The following DNAJB6 variants were observed in gnomAD, a reference collection of about 807,000 sequenced individuals.
DNAJB6 encodes the protein dnaJ homolog subfamily B member 6.
DNAJB6 carries 16 observed loss-of-function variants against 42.7 expected under a neutral mutation model. The observed-to-expected ratio is 0.37, with a 90% CI of 0.25 to 0.57. DNAJB6 has a LOEUF of 0.57. DNAJB6 is among the 20% of genes least tolerant of loss of function. The probability of loss-of-function intolerance (pLI) is 0.74; values close to 1 mark genes in which losing one functional copy is unlikely to be tolerated. For synonymous variants in DNAJB6, 170 were observed against 163.5 expected, an observed-to-expected ratio of 1.04 and a Z score of -0.30; for missense variants, 347 against 416.8, an observed-to-expected ratio of 0.83 and a Z score of 1.46.
intron 1 of DNAJB6, among the ~76,000 whole-genome samples, chr7:157,340,338 G>C (rs113592734): frequency 2.7e-4 from 41 of 152,306 alleles, no homozygotes; most frequent in African/African-American, 9.1e-4. Flanking sequence ...TAGCGAGTAA[G>C]AGTAGGATCA....
intron 5 of DNAJB6, among the ~76,000 whole-genome samples, chr7:157,374,460 T>TAAA (rs1340454556): frequency 6.6e-6 from 1 of 152,104 alleles, no homozygotes; most frequent in African/African-American, 2.4e-5. Flanking sequence ...GGTTTCTTCA[T>TAAA]GTTGGTCAGG....
intron 9 of DNAJB6, chr7:157,410,305 G>A (rs1333047298): frequency 3.7e-6 from 2 of 543,152 alleles, no homozygotes; most frequent in Non-Finnish European, 5.9e-6. Context: ...TACCGTAGAC[G>A]TGCCTTTTCG....
chr7:157,365,967 T>TC (rs11440921), intron 3 of DNAJB6, among the ~76,000 whole-genome samples: 79,978 of 150,594 alleles, frequency 0.53, 21,763 homozygotes, highest in East Asian at 0.69. Context: ...CGTGGCTAAG[T>TC]CCCCCCCGCG....
intron 1 of DNAJB6, among the ~76,000 whole-genome samples, chr7:157,340,993 T>TGTGC (rs1554450135): frequency 1.2e-5 from 1 of 83,722 alleles, no homozygotes; most frequent in African/African-American, 4.3e-5. Flanking sequence ...TGTGTGTGTG[T>TGTGC]GTGTGCGCGC....
chr7:157,366,532 G>A lies in DNAJB6; in HGVS notation c.206G>A (p.Gly69Asp). Residue 69 changes from glycine (G) to aspartate (D), a missense_variant, in exon 4 of 10, where the codon GGC (glycine) becomes GAC (aspartate). Physicochemically the swap from Gly to Asp is moderately conservative, Grantham distance 94 (BLOSUM62 -1). This residue lies in a region of DNAJB6 where 78 missense variants were observed against 102.1 expected (regional missense o/e 0.76). Coordinates refer to ENST00000262177, the MANE Select transcript of DNAJB6 (RefSeq NM_058246.4). ...AAACGGGACATCTATGACAAATATG[G>A]CAAAGAAGGATTAAATGGTGGAGGA... ...AKKRDIYDKY[G>D]KEGLNGGGGG... 1.9e-6 allele frequency: 3 copies of A among 1,613,986 alleles called. No individual in the cohort carries two copies. The highest frequency in any genetic ancestry group is 2.5e-6 in the Non-Finnish European group (3 of 1,179,974).
intron 5 of DNAJB6, among the ~76,000 whole-genome samples, chr7:157,375,984 G>GCCTCTCAT (rs1800451207): frequency 6.6e-6 from 1 of 152,090 alleles, no homozygotes; most frequent in Admixed American, 6.6e-5. Context: ...ATTGACAGTG[G>GCCTCTCAT]GTCCTGAAAT....
Position 157,365,958 on chromosome 7 carries a change from G to A in DNAJB6, c.176-544G>A, listed in dbSNP as rs115577029. On this transcript the variant is annotated intron_variant, in intron 3 of 9. Transcript: ENST00000262177. ...GGATTACAGGTATGAGCTACCTCGC[G>A]TGGCTAAGTCCCCCCCGCGCCTACT... Among the ~76,000 whole-genome samples, 802 of 115,034 alleles carry A rather than the reference G, an allele frequency of 7.0e-3. 12 individuals carry two copies. Among genetic ancestry groups the A allele is most frequent in the African/African-American group, 0.021 (742 of 34,804 alleles). 75.5% of individuals were successfully genotyped at this position (115,034 alleles called of 152,430 possible). A position where few individuals can be genotyped will look rare whatever the true frequency, so the allele number is the denominator to read the frequency against.
intron 3 of DNAJB6, among the ~76,000 whole-genome samples, chr7:157,364,527 C>G (rs770290388): frequency 1.2e-4 from 18 of 152,114 alleles, no homozygotes; most frequent in Non-Finnish European, 2.1e-4. Flanking sequence ...TGATCGTCCT[C>G]TCTCCTCAAG....
chr7:157,354,129 A>G (rs1799152299), intron 1 of DNAJB6, among the ~76,000 whole-genome samples: 1 of 152,086 alleles, frequency 6.6e-6, no homozygotes, highest in South Asian at 2.1e-4. Context: ...TAATCTACAC[A>G]TTTATTCATT....
At chr7:157,376,724 T>TA (rs1248107663) in intron 5 of DNAJB6, among the ~76,000 whole-genome samples, 1 of 151,682 alleles carries the variant, frequency 6.6e-6, no homozygotes, top group Non-Finnish European at 1.5e-5. Context: ...CTACTAAAAA[T>TA]AAAAAAATTA....
At chr7:157,349,213 A>C (rs775320813) in intron 1 of DNAJB6, among the ~76,000 whole-genome samples, 2 of 152,150 alleles carry the variant, frequency 1.3e-5, no homozygotes, top group Non-Finnish European at 2.9e-5. Flanking sequence ...CCTGTCTTCC[A>C]CTAAACTTGA....
intron 1 of DNAJB6, among the ~76,000 whole-genome samples, chr7:157,350,206 T>G (rs1798895924): frequency 6.6e-6 from 1 of 152,166 alleles, no homozygotes; most frequent in Admixed American, 6.5e-5. Context: ...GTATCTGTGT[T>G]GGACTGGGGG....
intron 8 of DNAJB6, among the ~76,000 whole-genome samples, chr7:157,402,516 A>G (rs966175588): frequency 2.6e-5 from 4 of 152,204 alleles, no homozygotes; most frequent in Non-Finnish European, 4.4e-5. Context: ...TGGCGCCGTC[A>G]TGCTATGCAT....
intron 2 of DNAJB6, among the ~76,000 whole-genome samples, chr7:157,358,934 T>G (rs3802098): frequency 1.3e-5 from 2 of 152,140 alleles, no homozygotes; most frequent in South Asian, 4.1e-4. Context: ...TGACTTGGCA[T>G]TCTTGAGTGC....
chr7:157,340,430 A>C (rs1441468387), intron 1 of DNAJB6, among the ~76,000 whole-genome samples: 1 of 152,198 alleles, frequency 6.6e-6, no homozygotes, highest in African/African-American at 2.4e-5. Flanking sequence ...GGTTAATGAG[A>C]AGAAGAGCAA....
intron 1 of DNAJB6, among the ~76,000 whole-genome samples, chr7:157,346,959 C>G (rs1029075048): frequency 3.9e-5 from 6 of 152,194 alleles, no homozygotes; most frequent in Non-Finnish European, 8.8e-5. Context: ...GGGTTCACAC[C>G]GTTCTCCTGC....
intron 8 of DNAJB6, 97 bp from the exon 9 acceptor site, chr7:157,409,698 C>A: frequency 7.5e-7 from 1 of 1,334,522 alleles, no homozygotes; most frequent in Non-Finnish European, 1.0e-6. Context: ...CGTCTGGATT[C>A]AGGGAGATCG....
chr7:157,366,570 G>T lies in DNAJB6; in HGVS notation c.235+9G>T, dbSNP rs552613359. On this transcript the variant is annotated intron_variant, in intron 4 of 9. Coordinates refer to ENST00000262177, the MANE Select transcript of DNAJB6 (RefSeq NM_058246.4). ...AAATGGTGGAGGAGGAGGTAAGTAC[G>T]TGAGTTTTTTCTTTGAAGACAAAAG... The T allele has an allele frequency of 1.5e-5, 25 of 1,613,214 alleles. No homozygotes were observed. The highest frequency in any genetic ancestry group is 2.0e-5 in the Non-Finnish European group (24 of 1,179,592).
chr7:157,345,475 C>T (rs548692053), intron 1 of DNAJB6, among the ~76,000 whole-genome samples: 1 of 152,064 alleles, frequency 6.6e-6, no homozygotes, highest in Admixed American at 6.6e-5. Context: ...CCACCCCACT[C>T]AGCTAATTTT....
Sources: allele counts gnomAD v4.1 joint callset (sites outside exome capture counted in the v4.1 genomes callset), GRCh38; gene constraint gnomAD v4.1.1; regional missense constraint gnomAD v4.1.1; transcripts MANE v1.5; gene names NCBI Gene and HGNC (gene_info 2026-07-23, HGNC 2026-07-21).